MTCL1: variants seen among roughly 807,000 people sequenced by gnomAD.
MTCL1 encodes microtubule crosslinking factor 1.
MTCL1 carries 79 observed loss-of-function variants against 141.4 expected under a neutral mutation model. The observed-to-expected ratio is 0.56, with a 90% CI of 0.47 to 0.67. The LOEUF (loss-of-function observed/expected upper bound fraction) is 0.67, where lower values mean the gene tolerates loss of function less well. Ranked by LOEUF, MTCL1 falls within the 30% of genes least tolerant of loss-of-function variation. MTCL1 has a pLI of 0.00. For synonymous variants in MTCL1, 914 were observed against 875.8 expected (o/e 1.04, Z -0.77); for missense variants, 2,177 against 2,113.9 (o/e 1.03, Z -0.59).
At chr18:8,783,677 A>G in exon 6 of MTCL1, 1 of 1,611,664 alleles carries the variant, frequency 6.2e-7, no homozygotes, top group Non-Finnish European at 8.5e-7. Flanking sequence ...GGATGTGGAC[A>G]GTCCCCTGCC....
chr18:8,716,569 A>ATT (rs138840096), upstream of MTCL1, among the ~76,000 whole-genome samples: 25 of 103,858 alleles, frequency 2.4e-4, 1 homozygote, highest in African/African-American at 5.0e-4. Context: ...CTTTTTGTTC[A>ATT]TTTTTTTTTT....
chr18:8,793,137 G>T lies in MTCL1; in HGVS notation c.2010+17G>T. The T allele has an allele frequency of 6.2e-7, 1 of 1,612,308 alleles. No individual in the cohort carries two copies. Among genetic ancestry groups the T allele is most frequent in the South Asian group, 1.1e-5 (1 of 90,768 alleles). On this transcript the variant is annotated intron_variant, in intron 8 of 16. Coordinates refer to ENST00000359865, the Ensembl canonical transcript of MTCL1. ...ATCCATAAGGTAAATATTTAACACG[G>T]ACTCAGCACAACCGCTTTGTGAACT...
chr18:8,732,127 G>A (rs921828220), intron 4 of MTCL1, among the ~76,000 whole-genome samples: 3 of 151,546 alleles, frequency 2.0e-5, no homozygotes, highest in Admixed American at 1.3e-4. Context: ...TTTGAGACAG[G>A]GTCTCGCTCT....
rs79406416 is a variant in MTCL1 at position 8,707,899 on chromosome 18, T to A, written c.1053+1186T>A. On this transcript the variant is annotated intron_variant, in intron 1 of 13. Transcript: ENST00000306329. ...GGTGATCTCAAGCCTAAATTTCTTA[T>A]GGAGCTGCTCCAACCAACTGAGCCT... 2.7e-3 allele frequency among the ~76,000 whole-genome samples: 417 copies of A among 152,328 alleles called. 2 individuals are homozygous for A. Among genetic ancestry groups the A allele is most frequent in the African/African-American group, 9.7e-3 (405 of 41,580 alleles).
intron 12 of MTCL1, 150 bp downstream of exon 11, chr18:8,813,383 C>T (rs971445858): frequency 1.0e-5 from 10 of 998,166 alleles, no homozygotes; most frequent in Admixed American, 2.9e-5. Context: ...TCTAGAATTG[C>T]TTGTGTTGGA....
intron 4 of MTCL1, among the ~76,000 whole-genome samples, chr18:8,768,546 A>G (rs562935339): frequency 8.5e-5 from 13 of 152,232 alleles, no homozygotes; most frequent in Non-Finnish European, 1.8e-4. Context: ...GCTCTTTGAC[A>G]GTTAAATATT....
intron 4 of MTCL1, among the ~76,000 whole-genome samples, chr18:8,768,474 G>A (rs1387341084): frequency 1.3e-5 from 2 of 152,224 alleles, no homozygotes; most frequent in Non-Finnish European, 1.5e-5. Flanking sequence ...CAGAGGGTCT[G>A]TAGGGTATGT....
rs752511350 is a variant in MTCL1 at position 8,752,298 on chromosome 18, G to A, written c.358-25535G>A. Among the ~76,000 whole-genome samples, 22 of 152,228 alleles carry A rather than the reference G, an allele frequency of 1.4e-4. 1 individual carries two copies. Among genetic ancestry groups the A allele is most frequent in the Non-Finnish European group, 2.5e-4 (17 of 68,046 alleles). ...ATAAAAAGTCATCTGCCTATCCAAA[G>A]TACTGAGCAGTGGTTTTGAAAAATT... On this transcript the variant is annotated intron_variant, in intron 4 of 16. Transcript: ENST00000359865.
At chr18:8,715,606 GAAAC>G (rs2096123757), upstream of MTCL1, among the ~76,000 whole-genome samples, 1 of 152,190 alleles carries the variant, frequency 6.6e-6, no homozygotes, top group African/African-American at 2.4e-5. Flanking sequence ...TCTTTACTCA[GAAAC>G]AAGCATTGCG....
rs552245725 is a variant in MTCL1, at chr18:8,755,316, T to C, written c.358-22517T>C. 4.6e-5 allele frequency among the ~76,000 whole-genome samples: 7 copies of C among 152,308 alleles called. No homozygotes were observed. In the East Asian group the frequency reaches 1.4e-3, roughly 29 times the overall value. Reference sequence around the variant, plus strand: ...TGTTTTAACCGGGATTGGTTTGAAATGAAAATGACCACATCAGCACAAAGC... The same window carrying C: ...TGTTTTAACCGGGATTGGTTTGAAACGAAAATGACCACATCAGCACAAAGC... On this transcript the variant is annotated intron_variant, in intron 4 of 16. Transcript: ENST00000359865.
At chr18:8,751,082 G>C (rs1284871917) in intron 4 of MTCL1, among the ~76,000 whole-genome samples, 3 of 152,194 alleles carry the variant, frequency 2.0e-5, no homozygotes, top group Admixed American at 2.0e-4. Context: ...GTGGGCATCT[G>C]ACTGCATGTG....
intron 4 of MTCL1, among the ~76,000 whole-genome samples, chr18:8,764,720 C>T (rs1247440960): frequency 2.0e-5 from 3 of 152,190 alleles, no homozygotes; most frequent in African/African-American, 7.2e-5. Context: ...TTCACCTTTC[C>T]CTTTTACCCA....
chr18:8,711,532 C>T, intron 1 of MTCL1, among the ~76,000 whole-genome samples: 1 of 145,198 alleles, frequency 6.9e-6, no homozygotes, highest in Admixed American at 7.0e-5. Context: ...CCTATTTCTC[C>T]ACATCCTCTC....
chr18:8,806,557 T>A (rs1331329147), intron 10 of MTCL1, among the ~76,000 whole-genome samples: 1 of 152,094 alleles, frequency 6.6e-6, no homozygotes, highest in Non-Finnish European at 1.5e-5. Flanking sequence ...TTGCTCCTGC[T>A]CCTCAGGGCC....
intron 4 of MTCL1, among the ~76,000 whole-genome samples, chr18:8,758,314 C>T (rs187314475): frequency 1.2e-3 from 187 of 152,276 alleles, no homozygotes; most frequent in African/African-American, 4.1e-3. Flanking sequence ...TAAGCCACCA[C>T]GCCTGGCCAC....
intron 12 of MTCL1, among the ~76,000 whole-genome samples, chr18:8,818,344 G>A (rs1290433147): frequency 6.7e-6 from 1 of 150,200 alleles, no homozygotes; most frequent in Non-Finnish European, 1.5e-5. Flanking sequence ...ACGTAATGTG[G>A]CTTTTTTTTT....
At chr18:8,708,406 G>A (rs1193193356) in intron 1 of MTCL1, among the ~76,000 whole-genome samples, 1 of 151,354 alleles carries the variant, frequency 6.6e-6, no homozygotes, top group African/African-American at 2.4e-5. Flanking sequence ...GTCTGATACA[G>A]TGTATTTGCT....
chr18:8,809,896 G>A (rs939423858), intron 11 of MTCL1: 3 of 349,740 alleles, frequency 8.6e-6, no homozygotes, highest in Non-Finnish European at 1.6e-5. Flanking sequence ...GGGAGGCAGG[G>A]CCATGGAGGA....
At chr18:8,766,735 G>A (rs1045367297) in intron 4 of MTCL1, among the ~76,000 whole-genome samples, 12 of 152,208 alleles carry the variant, frequency 7.9e-5, no homozygotes, top group Non-Finnish European at 1.0e-4. Flanking sequence ...TGGCCCAGCC[G>A]CCTTCCTGGG....
Sources: gnomAD v4.1 joint callset for allele counts (sites outside exome capture counted in the v4.1 genomes callset) on GRCh38, gnomAD v4.1.1 for gene constraint, MANE v1.5 for transcripts, NCBI Gene and HGNC (gene_info 2026-07-23, HGNC 2026-07-21) for gene names.